ZDHHC3: variants seen among roughly 807,000 people sequenced by gnomAD.
ZDHHC3 encodes zDHHC palmitoyltransferase 3, also known as palmitoyltransferase ZDHHC3.
Under a neutral mutation model 30.6 loss-of-function variants are expected in ZDHHC3, and 9 were observed. The observed-to-expected ratio is 0.29, with a 90% CI of 0.18 to 0.51. The LOEUF is 0.51. Ranked by LOEUF, ZDHHC3 falls within the 20% of genes least tolerant of loss-of-function variation. ZDHHC3 has a pLI of 0.97. For synonymous variants in ZDHHC3, 136 were observed against 140.2 expected (o/e 0.97, Z 0.21); for missense variants, 246 against 384.2 (o/e 0.64, Z 3.01).
intron 6 of ZDHHC3, among the ~76,000 whole-genome samples, chr3:44,927,798 C>T (rs942452235): frequency 2.0e-5 from 3 of 152,240 alleles, no homozygotes; most frequent in African/African-American, 7.2e-5. Flanking sequence ...TGGCAGAAGC[C>T]TGGCCAGGGG....
At chr3:44,946,416 C>T (rs1702936881) in intron 2 of ZDHHC3, among the ~76,000 whole-genome samples, 1 of 152,184 alleles carries the variant, frequency 6.6e-6, no homozygotes, top group South Asian at 2.1e-4. Flanking sequence ...CCAACCTTCA[C>T]CAAGAGCCTG....
At chr3:44,955,794 T>A (rs1703900463) in intron 2 of ZDHHC3, among the ~76,000 whole-genome samples, 1 of 152,162 alleles carries the variant, frequency 6.6e-6, no homozygotes, top group Admixed American at 6.5e-5. Flanking sequence ...CACCTCTCTG[T>A]TTTGCATACT....
chr3:44,973,250 G>A (rs1486708354), intron 1 of ZDHHC3, among the ~76,000 whole-genome samples: 1 of 152,138 alleles, frequency 6.6e-6, no homozygotes. Flanking sequence ...TAAAACCTGG[G>A]GGGAGGCTGT....
rs1415433862 is a variant in ZDHHC3 at position 44,916,545 on chromosome 3, T to A, written c.*10144A>T. The A allele has an allele frequency of 6.6e-6, 1 of 152,356 alleles. No individual in the cohort carries two copies. Among genetic ancestry groups the A allele is most frequent in the Non-Finnish European group, 1.5e-5 (1 of 68,180 alleles). The allele number at this position is 152,356 out of a possible 1,614,324, so 9.4% of individuals were successfully genotyped here. ...ACACTGAGGTCTTGCAGGGGCATGC[T>A]CTGCTGAGTGCCTGTGCTCCTGCCA... is the stretch of plus-strand genomic sequence containing the variant. On this transcript the variant is annotated 3_prime_UTR_variant, in exon 7 of 7. Transcript: ENST00000424952.
chr3:44,945,784 C>T (rs1246938262), intron 2 of ZDHHC3, among the ~76,000 whole-genome samples: 1 of 152,062 alleles, frequency 6.6e-6, no homozygotes, highest in Non-Finnish European at 1.5e-5. Flanking sequence ...GTCTCAATCT[C>T]CTGACCTTGT....
Position 44,922,488 on chromosome 3 carries a change from T to C in ZDHHC3, c.*4201A>G, listed in dbSNP as rs879854795. 1.1e-5 allele frequency: 11 copies of C among 985,424 alleles called. No homozygotes were observed. Among genetic ancestry groups the C allele is most frequent in the Non-Finnish European group, 1.2e-5 (10 of 829,908 alleles). The allele number at this position is 985,424 out of a possible 1,614,324, so 61.0% of individuals were successfully genotyped here. A position where few individuals can be genotyped will look rare whatever the true frequency, so the allele number is the denominator to read the frequency against. ...TCTTTGATGTCTTGGCAGTTGTTTG[T>C]TGGGGAGGCCGCAGCTTATGAGGGA... On this transcript the variant is annotated 3_prime_UTR_variant, in exon 7 of 7. Coordinates refer to ENST00000424952, the MANE Select transcript of ZDHHC3 (RefSeq NM_001135179.2).
At chr3:44,946,290 A>T (rs374129255) in intron 2 of ZDHHC3, among the ~76,000 whole-genome samples, 7 of 152,348 alleles carry the variant, frequency 4.6e-5, no homozygotes, top group African/African-American at 1.7e-4. Context: ...GTGAATACTT[A>T]GCGTTCTTTA....
In ZDHHC3 at chr3:44,975,921, T is replaced by C; in HGVS notation, c.-25+12A>G. ...TTCTTCACCCCTACCCCAGTTTCCC[T>C]TCCCAACTGACCGTGAAGCCGGAGG... On this transcript the variant is annotated intron_variant, in intron 1 of 6. Coordinates refer to ENST00000424952, the MANE Select transcript of ZDHHC3 (RefSeq NM_001135179.2). 1 of 210,890 alleles carries C rather than the reference T, an allele frequency of 4.7e-6. No homozygotes were observed. The highest frequency in any genetic ancestry group is 9.3e-6 in the Non-Finnish European group (1 of 106,966). The allele number at this position is 210,890 out of a possible 1,614,324, so 13.1% of individuals were successfully genotyped here. A position where few individuals can be genotyped will look rare whatever the true frequency, so the allele number is the denominator to read the frequency against.
chr3:44,966,157 C>T (rs1419595221), intron 1 of ZDHHC3, among the ~76,000 whole-genome samples: 1 of 152,202 alleles, frequency 6.6e-6, no homozygotes, highest in Non-Finnish European at 1.5e-5. Context: ...AACTTTCTGG[C>T]TCCCTACAAG....
At chr3:44,955,301 G>A (rs568745225) in intron 2 of ZDHHC3, among the ~76,000 whole-genome samples, 27 of 152,090 alleles carry the variant, frequency 1.8e-4, no homozygotes, top group African/African-American at 6.3e-4. Flanking sequence ...TTCTTTTCAA[G>A]CTCTATGTGG....
At chr3:44,932,924 A>C in intron 5 of ZDHHC3, 194 bp downstream of exon 5, 1 of 1,614,174 alleles carries the variant, frequency 6.2e-7, no homozygotes. Flanking sequence ...ACTGAAGTTA[A>C]GGGGCTGCAT....
At chr3:44,955,044 C>T (rs1324145533) in intron 2 of ZDHHC3, among the ~76,000 whole-genome samples, 2 of 152,150 alleles carry the variant, frequency 1.3e-5, no homozygotes, top group African/African-American at 2.4e-5. Context: ...AATGACATTA[C>T]ACAACCTCAG....
chr3:44,960,129 G>A (rs1704343503), intron 1 of ZDHHC3, among the ~76,000 whole-genome samples: 1 of 152,226 alleles, frequency 6.6e-6, no homozygotes, highest in Admixed American at 6.5e-5. Context: ...CTACTGGGTA[G>A]ACAGTACCTC....
intron 1 of ZDHHC3, among the ~76,000 whole-genome samples, chr3:44,971,457 G>A (rs898012935): frequency 2.0e-5 from 3 of 152,170 alleles, no homozygotes; most frequent in African/African-American, 7.2e-5. Context: ...CTTCCGAGGA[G>A]GAAAGCAAAT....
chr3:44,961,786 C>T (rs1033817965), intron 1 of ZDHHC3, among the ~76,000 whole-genome samples: 3 of 152,212 alleles, frequency 2.0e-5, no homozygotes, highest in Non-Finnish European at 4.4e-5. Context: ...ATATTTATAT[C>T]ACCTGTGTTC....
chr3:44,972,861 C>G (rs1705517317), intron 1 of ZDHHC3, among the ~76,000 whole-genome samples: 1 of 152,182 alleles, frequency 6.6e-6, no homozygotes, highest in Non-Finnish European at 1.5e-5. Context: ...TGCAAACACA[C>G]TGTCTGGAGT....
intron 2 of ZDHHC3, among the ~76,000 whole-genome samples, chr3:44,950,257 C>T (rs1444253510): frequency 6.6e-6 from 1 of 152,206 alleles, no homozygotes; most frequent in Non-Finnish European, 1.5e-5. Context: ...AAAGGGACAT[C>T]CTTTCCCCCA....
rs1700541216 is a variant in ZDHHC3 at position 44,920,832 on chromosome 3, G to A, written c.*5857C>T. On this transcript the variant is annotated 3_prime_UTR_variant, in exon 7 of 7. Coordinates refer to ENST00000424952, the MANE Select transcript of ZDHHC3 (RefSeq NM_001135179.2). ...CAGACAGAGCCTGGCCTGTCTACCA[G>A]AGGTCTTCAGCAGTAAAGTCGACAA... 1 of 985,312 alleles carries A rather than the reference G, an allele frequency of 1.0e-6. No individual in the cohort carries two copies. The highest frequency in any genetic ancestry group is 4.7e-5 in the South Asian group (1 of 21,292). The allele number at this position is 985,312 out of a possible 1,614,324, so 61.0% of individuals were successfully genotyped here.
rs1372590946 is a variant in ZDHHC3 at position 44,976,150 on chromosome 3, T to G, written c.-242A>C. ...TCCCGGCAGTGGCGGCGGCCGCGGC[T>G]GCAGGAGCGGCCGCCGCGCAGGTTG... On this transcript the variant is annotated 5_prime_UTR_variant, in exon 1 of 7. Transcript: ENST00000424952. 6.8e-6 allele frequency: 5 copies of G among 737,208 alleles called. No homozygotes were observed. Among genetic ancestry groups the G allele is most frequent in the African/African-American group, 2.0e-5 (1 of 50,976 alleles). 45.7% of individuals were successfully genotyped at this position (737,208 alleles called of 1,614,324 possible). A position where few individuals can be genotyped will look rare whatever the true frequency, so the allele number is the denominator to read the frequency against.
Sources: allele counts gnomAD v4.1 joint callset (sites outside exome capture counted in the v4.1 genomes callset), GRCh38; gene constraint gnomAD v4.1.1; transcripts MANE v1.5; gene names NCBI Gene and HGNC (gene_info 2026-07-23, HGNC 2026-07-21).